Variants in ESRRG observed in about 807,000 individuals in gnomAD.
ESRRG encodes estrogen related receptor gamma.
Under a neutral mutation model 44.0 loss-of-function variants are expected in ESRRG, and 13 were observed. That is an observed-to-expected ratio of 0.30 (90% CI 0.19 to 0.47). The LOEUF (loss-of-function observed/expected upper bound fraction) is 0.47. Ranked by LOEUF, ESRRG falls within the 20% of genes least tolerant of loss-of-function variation. The pLI is 1.00. For synonymous variants in ESRRG, 215 were observed against 214.6 expected (o/e 1.00, Z -0.02); for missense variants, 395 against 580.6 (o/e 0.68, Z 3.29).
intron 2 of ESRRG, among the ~76,000 whole-genome samples, chr1:216,933,256 G>A (rs574356729): frequency 3.9e-5 from 6 of 152,096 alleles, no homozygotes; most frequent in South Asian, 2.1e-4. Context: ...GGAAGACAAC[G>A]GCTCCCAATT....
intron 1 of ESRRG, among the ~76,000 whole-genome samples, chr1:217,051,996 C>T (rs1191203750): frequency 2.0e-5 from 3 of 152,074 alleles, no homozygotes; most frequent in African/African-American, 7.2e-5. Context: ...ACCTCAAACT[C>T]CTGGGCTCAA....
At chr1:216,656,173 T>C (rs1282873320) in intron 2 of ESRRG, among the ~76,000 whole-genome samples, 1 of 152,166 alleles carries the variant, frequency 6.6e-6, no homozygotes, top group African/African-American at 2.4e-5. Flanking sequence ...GTTCACAGCA[T>C]AGGATTTTCA....
At chr1:216,692,359 CAA>C (rs1410922987) in intron 1 of ESRRG, among the ~76,000 whole-genome samples, 3 of 146,152 alleles carry the variant, frequency 2.1e-5, no homozygotes, top group African/African-American at 7.6e-5. Flanking sequence ...TAGATTTTAA[CAA>C]AAGAGTTTAA....
intron 2 of ESRRG, among the ~76,000 whole-genome samples, chr1:216,659,979 C>T (rs1226869960): frequency 6.6e-6 from 1 of 152,002 alleles, no homozygotes; most frequent in African/African-American, 2.4e-5. Context: ...TTATTCATTC[C>T]CCCATTTTAG....
chr1:216,522,710 A>G (rs1024433288), intron 5 of ESRRG, among the ~76,000 whole-genome samples: 18 of 151,264 alleles, frequency 1.2e-4, no homozygotes, highest in African/African-American at 4.1e-4. Context: ...ATAAAAACGC[A>G]TGGATAAAAT....
chr1:216,774,865 G>C (rs1023390583), intron 2 of ESRRG, among the ~76,000 whole-genome samples: 1 of 145,350 alleles, frequency 6.9e-6, no homozygotes. Context: ...GCAGTGGCAC[G>C]AGCACAGCTC....
chr1:216,945,334 T>G (rs1038659574), intron 1 of ESRRG, among the ~76,000 whole-genome samples: 2 of 152,078 alleles, frequency 1.3e-5, no homozygotes, highest in African/African-American at 4.8e-5. Context: ...CTGAGAGCCA[T>G]CAATTATTTA....
At chr1:216,905,597 G>T (rs2059599831) in intron 2 of ESRRG, among the ~76,000 whole-genome samples, 1 of 152,144 alleles carries the variant, frequency 6.6e-6, no homozygotes, top group Non-Finnish European at 1.5e-5. Flanking sequence ...AGACATTGAG[G>T]TCTGTGAGTG....
chr1:216,553,234 T>C (rs1400148210), intron 5 of ESRRG, among the ~76,000 whole-genome samples: 1 of 152,214 alleles, frequency 6.6e-6, no homozygotes, highest in Non-Finnish European at 1.5e-5. Flanking sequence ...ACAAACGTGC[T>C]GACTGGTGGA....
intron 2 of ESRRG, among the ~76,000 whole-genome samples, chr1:216,920,692 C>T (rs748111755): frequency 7.9e-5 from 12 of 152,070 alleles, no homozygotes; most frequent in Non-Finnish European, 1.6e-4. Flanking sequence ...CAACACAATG[C>T]TTTCACTTAT....
intron 1 of ESRRG, among the ~76,000 whole-genome samples, chr1:217,046,315 T>G (rs1346715368): frequency 1.3e-5 from 2 of 152,146 alleles, no homozygotes; most frequent in East Asian, 3.9e-4. Flanking sequence ...GATCAAGAAA[T>G]AGGTGTTGGA....
At chr1:216,566,317 C>A (rs919204660) in intron 4 of ESRRG, among the ~76,000 whole-genome samples, 4 of 152,160 alleles carry the variant, frequency 2.6e-5, no homozygotes, top group African/African-American at 9.7e-5. Context: ...GTTACAAAAA[C>A]ACACTAATTG....
chr1:216,979,284 T>TA (rs2073523991), intron 1 of ESRRG, among the ~76,000 whole-genome samples: 1 of 152,102 alleles, frequency 6.6e-6, no homozygotes. Flanking sequence ...CTTTAAGGGA[T>TA]AAAATGCCTC....
intron 1 of ESRRG, among the ~76,000 whole-genome samples, chr1:216,716,736 G>A (rs1179221076): frequency 6.6e-6 from 1 of 151,876 alleles, no homozygotes; most frequent in African/African-American, 2.4e-5. Flanking sequence ...TAGGCTCCCT[G>A]TAAGTTTTGG....
At chr1:216,980,914 C>T (rs78062209) in intron 1 of ESRRG, among the ~76,000 whole-genome samples, 1 of 68,546 alleles carries the variant, frequency 1.5e-5, no homozygotes, top group South Asian at 5.5e-4. Context: ...ATATGCTCTT[C>T]TCTCATCCTG....
chr1:216,761,132 A>G (rs1285548640), intron 2 of ESRRG, among the ~76,000 whole-genome samples: 1 of 151,256 alleles, frequency 6.6e-6, no homozygotes, highest in Non-Finnish European at 1.5e-5. Flanking sequence ...CTAAATTGAG[A>G]TTTGCTTCCT....
intron 3 of ESRRG, among the ~76,000 whole-genome samples, chr1:216,582,967 A>G (rs1234204470): frequency 6.6e-6 from 1 of 152,102 alleles, no homozygotes; most frequent in Non-Finnish European, 1.5e-5. Context: ...GTGGTGGGAG[A>G]ATGGGAGAAT....
chr1:216,682,741 T>TGTG (rs1553496190), intron 1 of ESRRG, among the ~76,000 whole-genome samples: 1 of 151,104 alleles, frequency 6.6e-6, no homozygotes, highest in Non-Finnish European at 1.5e-5. Context: ...TGTGTGTGTG[T>TGTG]TTTATGCTTT....
At chr1:216,879,028 A>C (rs1370145) in intron 2 of ESRRG, among the ~76,000 whole-genome samples, 75,162 of 151,718 alleles carry the variant, frequency 0.5, 21,358 homozygotes, top group African/African-American at 0.79. Flanking sequence ...GTGAGCATGG[A>C]GGCCAAAGAC....
Sources: allele counts gnomAD v4.1 joint callset (sites outside exome capture counted in the v4.1 genomes callset), GRCh38; gene constraint gnomAD v4.1.1; transcripts MANE v1.5; gene names NCBI Gene and HGNC (gene_info 2026-07-23, HGNC 2026-07-21).